Variants in AMD1 observed in about 807,000 individuals in gnomAD.
AMD1 encodes adenosylmethionine decarboxylase 1, also known as S-adenosylmethionine decarboxylase proenzyme.
A neutral mutation model predicts 40.2 loss-of-function variants in AMD1; 11 were observed. The observed-to-expected ratio is 0.27, with a 90% CI of 0.17 to 0.45. The LOEUF (loss-of-function observed/expected upper bound fraction) is 0.45, where lower values mean the gene tolerates loss of function less well. Among genes scored for constraint, AMD1 ranks in the 20% least tolerant of loss-of-function variants. The pLI is 1.00. For missense variants in AMD1, 257 were observed against 410.2 expected, an observed-to-expected ratio of 0.63 and a Z score of 3.23; for synonymous variants, 121 against 130.8, an observed-to-expected ratio of 0.93 and a Z score of 0.51.
chr6:110,838,058 C>T, the AMD1 span, among the ~76,000 whole-genome samples: 2 of 139,252 alleles, frequency 1.4e-5, no homozygotes, highest in African/African-American at 2.8e-5. Flanking sequence ...AGTGAGACTC[C>T]GTCTCAAAAA....
chr6:110,844,079 T>G, the AMD1 span, among the ~76,000 whole-genome samples: 2 of 151,988 alleles, frequency 1.3e-5, no homozygotes, highest in African/African-American at 4.8e-5. Flanking sequence ...TTATCCTGCC[T>G]CCTATAAGCA....
At chr6:110,885,639 ATTC>A (rs752819392) in intron 1 of AMD1, among the ~76,000 whole-genome samples, 4 of 152,194 alleles carry the variant, frequency 2.6e-5, no homozygotes, top group Non-Finnish European at 5.9e-5. Flanking sequence ...CCACATATGT[ATTC>A]TTTCCATATA....
At chr6:110,862,323 T>C in the AMD1 span, among the ~76,000 whole-genome samples, 33 of 150,592 alleles carry the variant, frequency 2.2e-4, no homozygotes, top group African/African-American at 7.8e-4. Flanking sequence ...TTTTGTGTGA[T>C]TGTTCTGTTT....
the AMD1 span, among the ~76,000 whole-genome samples, chr6:110,822,668 A>T: frequency 6.6e-6 from 1 of 152,250 alleles, no homozygotes; most frequent in African/African-American, 2.4e-5. Flanking sequence ...ATGAACATAG[A>T]TGCAAAAATC....
chr6:110,822,799 T>G, the AMD1 span, among the ~76,000 whole-genome samples: 1 of 152,078 alleles, frequency 6.6e-6, no homozygotes. Context: ...ATAGATGTGA[T>G]TCACCACAGA....
chr6:110,875,202 C>T lies in AMD1; in HGVS notation c.97C>T (p.Arg33Cys), dbSNP rs1785027566. Residue 33 changes from arginine to cysteine, a missense_variant, in exon 1 of 9, where the codon CGC becomes TGC. Arg to Cys is a radical substitution (Grantham distance 180). Coordinates refer to ENST00000368885, the MANE Select transcript of AMD1 (RefSeq NM_001634.6). ...PDANQGSGDL[R>C]TIPRSEWDIL... ...CGCAAACCAAGGATCTGGGGATCTT[C>T]GCACTATCCCAAGGTGGGTCCCCGG... 1 of 1,610,066 alleles carries T rather than the reference C, an allele frequency of 6.2e-7. No homozygotes were observed. The highest frequency in any genetic ancestry group is 8.5e-7 in the Non-Finnish European group (1 of 1,178,268).
chr6:110,814,864 G>A, the AMD1 span: 10 of 1,066,100 alleles, frequency 9.4e-6, no homozygotes, highest in East Asian at 2.8e-4. Flanking sequence ...GGCGCCCCTC[G>A]GAGTCGGTGT....
At position 110,893,049 on chromosome 6, in the gene AMD1, C is replaced by T. The variant is rs773568457; in HGVS notation, c.848C>T (p.Thr283Ile). ...EVFKPGKFVTTLFVNQSSKCR... is the reference protein window; with the variant it reads ...EVFKPGKFVTILFVNQSSKCR... ...TTCAAGCCAGGAAAATTTGTGACCACCTTGTTTGTTAATCAGGTAATTTTA... is the reference window on the plus strand; with the variant it reads ...TTCAAGCCAGGAAAATTTGTGACCATCTTGTTTGTTAATCAGGTAATTTTA... The change falls in exon 8 of 9, where the codon ACC becomes ATC. Residue 283 changes from threonine (T) to isoleucine (I), a missense_variant. Physicochemically the swap from Thr to Ile is moderately conservative, Grantham distance 89 (BLOSUM62 -1). This residue lies in a region of AMD1 where 192 missense variants were observed against 296.5 expected (regional missense o/e 0.65). Coordinates refer to ENST00000368885, the MANE Select transcript of AMD1 (RefSeq NM_001634.6). 1.2e-6 allele frequency: 2 copies of T among 1,604,122 alleles called. No individual in the cohort carries two copies. The highest frequency in any genetic ancestry group is 1.7e-5 in the Admixed American group (1 of 57,868).
At chr6:110,817,468 G>A in the AMD1 span, among the ~76,000 whole-genome samples, 7 of 152,088 alleles carry the variant, frequency 4.6e-5, no homozygotes, top group Non-Finnish European at 8.8e-5. Context: ...AATTAGCCAG[G>A]TGTGGTAGCA....
At chr6:110,848,345 A>G in the AMD1 span, among the ~76,000 whole-genome samples, 4 of 151,998 alleles carry the variant, frequency 2.6e-5, no homozygotes, top group African/African-American at 9.7e-5. Flanking sequence ...AACATGGTGA[A>G]ACACTGTCTC....
At chr6:110,893,188 G>A in intron 8 of AMD1, 123 bp downstream of exon 8, 2 of 993,026 alleles carry the variant, frequency 2.0e-6, no homozygotes, top group Non-Finnish European at 2.9e-6. Flanking sequence ...ATATCCAGAA[G>A]TAATATTGTT....
the AMD1 span, among the ~76,000 whole-genome samples, chr6:110,839,394 G>A: frequency 1.6e-4 from 24 of 152,210 alleles, no homozygotes; most frequent in South Asian, 1.0e-3. Flanking sequence ...AATAACACAC[G>A]TTTCTGACCA....
At chr6:110,815,622 G>T in the AMD1 span, 1 of 153,140 alleles carries the variant, frequency 6.5e-6, no homozygotes, top group Non-Finnish European at 1.5e-5. Flanking sequence ...TGCGTACCAG[G>T]GCCGCCCCTC....
upstream of AMD1, among the ~76,000 whole-genome samples, chr6:110,872,312 A>AT (rs1784932814): frequency 6.6e-6 from 1 of 152,152 alleles, no homozygotes; most frequent in African/African-American, 2.4e-5. Context: ...TCAAGTAAGG[A>AT]TTTTTTTAAA....
At chr6:110,888,022 G>A (rs1785791760) in intron 2 of AMD1, among the ~76,000 whole-genome samples, 1 of 152,008 alleles carries the variant, frequency 6.6e-6, no homozygotes, top group African/African-American at 2.4e-5. Context: ...TGGTATAAAA[G>A]GAAACATTTA....
chr6:110,852,190 C>T, the AMD1 span, among the ~76,000 whole-genome samples: 18 of 140,474 alleles, frequency 1.3e-4, no homozygotes, highest in South Asian at 2.5e-3. Context: ...TGCACCTCCA[C>T]GCCTGGCTAA....
chr6:110,860,810 CAAAAA>C, the AMD1 span, among the ~76,000 whole-genome samples: 2 of 144,154 alleles, frequency 1.4e-5, no homozygotes, highest in Non-Finnish European at 3.0e-5. Flanking sequence ...AGAAAAAAAA[CAAAAA>C]CAAAACAAAA....
At chr6:110,834,246 G>A in the AMD1 span, among the ~76,000 whole-genome samples, 1 of 152,084 alleles carries the variant, frequency 6.6e-6, no homozygotes, top group African/African-American at 2.4e-5. Flanking sequence ...GGCTGAAGTG[G>A]GAGGATCGCT....
At chr6:110,831,573 G>C in the AMD1 span, among the ~76,000 whole-genome samples, 1 of 152,112 alleles carries the variant, frequency 6.6e-6, no homozygotes, top group African/African-American at 2.4e-5. Context: ...GGGATTATAG[G>C]CATGAACCAC....
Sources: allele counts gnomAD v4.1 joint callset (sites outside exome capture counted in the v4.1 genomes callset), GRCh38; gene constraint gnomAD v4.1.1; regional missense constraint gnomAD v4.1.1; transcripts MANE v1.5; gene names NCBI Gene and HGNC (gene_info 2026-07-23, HGNC 2026-07-21).